The following RAP1B variants were observed in gnomAD, a reference collection of about 807,000 sequenced individuals.
RAP1B encodes RAP1B, member of RAS oncogene family.
A neutral mutation model predicts 27.5 loss-of-function variants in RAP1B; 1 was observed. The observed-to-expected ratio is 0.04, with a 90% confidence interval of 0.01 to 0.17. RAP1B has a LOEUF of 0.17. RAP1B is among the 10% of genes least tolerant of loss of function. RAP1B has a pLI of 1.00. For synonymous variants in RAP1B, 75 were observed against 73.1 expected (o/e 1.03, Z -0.13); for missense variants, 84 against 214.8 (o/e 0.39, Z 3.81).
chr12:68,652,661 A>T (rs1025380342), intron 4 of RAP1B, among the ~76,000 whole-genome samples: 15 of 151,726 alleles, frequency 9.9e-5, no homozygotes, highest in Non-Finnish European at 1.5e-4. Flanking sequence ...CTAAAAATAT[A>T]AAAAAAATTA....
At position 68,660,175 on chromosome 12, in the gene RAP1B, A is replaced by G. The variant is rs1187318351; in HGVS notation, c.*926A>G. 3 of 117,032 alleles carry G rather than the reference A, an allele frequency of 2.6e-5. No individual in the cohort carries two copies. Among genetic ancestry groups the G allele is most frequent in the Middle Eastern group, 3.8e-3 (1 of 266 alleles). 7.2% of individuals were successfully genotyped at this position (117,032 alleles called of 1,614,324 possible). A position where few individuals can be genotyped will look rare whatever the true frequency, so the allele number is the denominator to read the frequency against. ...TTTTGCCTGTTAGTGATTGTTTCAC[A>G]TGTGTAACGTTTTGGTTGAGATGTT... On this transcript the variant is annotated 3_prime_UTR_variant, in exon 8 of 8. Coordinates refer to ENST00000250559, the MANE Select transcript of RAP1B (RefSeq NM_001010942.3).
intron 7 of RAP1B, 158 bp downstream of exon 7, chr12:68,657,375 T>A: frequency 6.1e-6 from 3 of 494,890 alleles, no homozygotes; most frequent in Non-Finnish European, 1.1e-5. Context: ...TTATTAATTA[T>A]TTACTTATCA....
chr12:68,655,185 G>A (rs1874115684), intron 5 of RAP1B, among the ~76,000 whole-genome samples: 1 of 152,178 alleles, frequency 6.6e-6, no homozygotes. Flanking sequence ...CAGCATGGTG[G>A]CGCGTGCCTG....
At chr12:68,643,101 T>C (rs1873140061) in intron 1 of RAP1B, 2 of 607,016 alleles carry the variant, frequency 3.3e-6, no homozygotes, top group Non-Finnish European at 5.8e-6. Flanking sequence ...CTGTTGATTA[T>C]AGTTTTTGTT....
Position 68,669,309 on chromosome 12 carries a change from C to T in RAP1B, c.*10060C>T, listed in dbSNP as rs900336787. The T allele has an allele frequency of 6.6e-6, 1 of 152,120 alleles. No individual in the cohort carries two copies. Among genetic ancestry groups the T allele is most frequent in the African/African-American group, 2.4e-5 (1 of 41,422 alleles). 9.4% of individuals were successfully genotyped at this position (152,120 alleles called of 1,614,324 possible). A position where few individuals can be genotyped will look rare whatever the true frequency, so the allele number is the denominator to read the frequency against. Reference sequence around the variant, plus strand: ...ATAATATCATAAAAATATCAATTCCCCCAAATTAGCATGTTAATGTATAAT... The same window carrying T: ...ATAATATCATAAAAATATCAATTCCTCCAAATTAGCATGTTAATGTATAAT... On this transcript the variant is annotated 3_prime_UTR_variant, in exon 8 of 8. Transcript: ENST00000250559.
In RAP1B at chr12:68,636,519, G is replaced by A. The variant is rs887490917; in HGVS notation, c.-26-12180G>A. Among the ~76,000 whole-genome samples the A allele has an allele frequency of 4.6e-5, 7 of 152,162 alleles. No homozygotes were observed. The South Asian group carries it at 8.3e-4, about 18-fold the overall frequency. On this transcript the variant is annotated intron_variant, in intron 1 of 7. Coordinates refer to ENST00000250559, the MANE Select transcript of RAP1B (RefSeq NM_001010942.3). ...CATAGCTCACTGTAACCTCCAATTCGTGGGCTTAAGTGATCCTCCTACCTC... is the reference window on the plus strand; with the variant it reads ...CATAGCTCACTGTAACCTCCAATTCATGGGCTTAAGTGATCCTCCTACCTC...
Position 68,665,506 on chromosome 12 carries a change from A to G in RAP1B, c.*6257A>G, listed in dbSNP as rs1565678513. On this transcript the variant is annotated 3_prime_UTR_variant, in exon 8 of 8. Coordinates refer to ENST00000250559, the MANE Select transcript of RAP1B (RefSeq NM_001010942.3). ...GCCTAAACAGTCTTGGGATGGGGAG[A>G]AGGGTTGGAGTACAAAGGATTGCTA... 6.6e-6 allele frequency: 1 copy of G among 152,212 alleles called. No individual in the cohort carries two copies. The highest frequency in any genetic ancestry group is 2.1e-4 in the South Asian group (1 of 4,834). The allele number at this position is 152,212 out of a possible 1,614,324, so 9.4% of individuals were successfully genotyped here.
At position 68,670,390 on chromosome 12, in the gene RAP1B, A is replaced by C. The variant is rs1375574152; in HGVS notation, c.*11141A>C. On this transcript the variant is annotated 3_prime_UTR_variant, in exon 8 of 8. Transcript: ENST00000250559. The stretch of plus-strand genomic sequence containing the variant: ...TCAAGCTATAAAGTAAAACAGTAGA[A>C]GTCTTAGAAGAAAATCTAAGAGACT... 6.6e-6 allele frequency: 1 copy of C among 152,242 alleles called. No homozygotes were observed. Among genetic ancestry groups the C allele is most frequent in the Admixed American group, 6.5e-5 (1 of 15,290 alleles). 9.4% of individuals were successfully genotyped at this position (152,242 alleles called of 1,614,324 possible). A position where few individuals can be genotyped will look rare whatever the true frequency, so the allele number is the denominator to read the frequency against.
chr12:68,630,399 A>G (rs895646001), intron 1 of RAP1B, among the ~76,000 whole-genome samples: 1 of 152,162 alleles, frequency 6.6e-6, no homozygotes, highest in Non-Finnish European at 1.5e-5. Flanking sequence ...TGTTCCAACA[A>G]AATTTTATTT....
intron 1 of RAP1B, among the ~76,000 whole-genome samples, chr12:68,642,119 C>T (rs968492545): frequency 2.0e-5 from 3 of 152,116 alleles, no homozygotes; most frequent in Admixed American, 1.3e-4. Context: ...TTGGTTAATT[C>T]ATAGACTAAA....
chr12:68,668,704 C>T lies in RAP1B; in HGVS notation c.*9455C>T, dbSNP rs866128395. The T allele has an allele frequency of 1.3e-5, 2 of 152,032 alleles. No individual in the cohort carries two copies. Among genetic ancestry groups the T allele is most frequent in the African/African-American group, 2.4e-5 (1 of 41,376 alleles). The allele number at this position is 152,032 out of a possible 1,614,324, so 9.4% of individuals were successfully genotyped here. The stretch of plus-strand genomic sequence containing the variant: ...AAGTTTAAGAAAGCTGTCAGGTAGG[C>T]GCCTCAAATTCATTTAAAATGAGGA... On this transcript the variant is annotated 3_prime_UTR_variant, in exon 8 of 8. Transcript: ENST00000250559.
chr12:68,639,163 A>G (rs1299031158), intron 1 of RAP1B, among the ~76,000 whole-genome samples: 4 of 152,190 alleles, frequency 2.6e-5, no homozygotes, highest in Non-Finnish European at 4.4e-5. Context: ...TAGAATTCAA[A>G]TGACTTTACC....
At position 68,662,384 on chromosome 12, in the gene RAP1B, C is replaced by T. The variant is rs1347536013; in HGVS notation, c.*3135C>T. 1.3e-5 allele frequency: 2 copies of T among 152,006 alleles called. No individual in the cohort carries two copies. The highest frequency in any genetic ancestry group is 2.4e-5 in the African/African-American group (1 of 41,396). 9.4% of individuals were successfully genotyped at this position (152,006 alleles called of 1,614,324 possible). A position where few individuals can be genotyped will look rare whatever the true frequency, so the allele number is the denominator to read the frequency against. ...AAAAAGTGTAAAAACCCTGTATTGACTTTCTTGTTGATTCAGTTGTTTCTT... is the reference window on the plus strand; with the variant it reads ...AAAAAGTGTAAAAACCCTGTATTGATTTTCTTGTTGATTCAGTTGTTTCTT... On this transcript the variant is annotated 3_prime_UTR_variant, in exon 8 of 8. Transcript: ENST00000250559.
intron 7 of RAP1B, 46 bp downstream of exon 7, chr12:68,657,263 T>C (rs537274855): frequency 6.4e-4 from 774 of 1,200,668 alleles, no homozygotes; most frequent in Middle Eastern, 9.7e-4. Flanking sequence ...CTCAACCTTA[T>C]TAAGGGCACT....
At chr12:68,614,285 A>AT (rs1488832185) in intron 1 of RAP1B, among the ~76,000 whole-genome samples, 1 of 152,176 alleles carries the variant, frequency 6.6e-6, no homozygotes, top group African/African-American at 2.4e-5. Flanking sequence ...CTTTTTCCCC[A>AT]TAAGTATTGT....
intron 1 of RAP1B, among the ~76,000 whole-genome samples, chr12:68,636,591 C>G (rs754598692): frequency 1.3e-5 from 2 of 152,166 alleles, no homozygotes; most frequent in Admixed American, 6.5e-5. Flanking sequence ...CCACACCCAG[C>G]TACTTTATAA....
At chr12:68,626,911 T>C in intron 1 of RAP1B, 1 of 1,567,042 alleles carries the variant, frequency 6.4e-7, no homozygotes, top group Non-Finnish European at 8.7e-7. Flanking sequence ...GGGCCACGAT[T>C]GGAAATGTAC....
chr12:68,653,000 C>T (rs1873924566), intron 4 of RAP1B, among the ~76,000 whole-genome samples: 1 of 152,100 alleles, frequency 6.6e-6, no homozygotes, highest in South Asian at 2.1e-4. Flanking sequence ...CACCTGAGGT[C>T]AGGAGTTCAA....
intron 1 of RAP1B, among the ~76,000 whole-genome samples, chr12:68,639,965 T>G (rs1480375832): frequency 1.3e-5 from 2 of 151,768 alleles, no homozygotes; most frequent in African/African-American, 4.8e-5. Flanking sequence ...CTCAGCCTCC[T>G]GAGTAGCTGG....
Sources: gnomAD v4.1 joint callset for allele counts (sites outside exome capture counted in the v4.1 genomes callset) on GRCh38, gnomAD v4.1.1 for gene constraint, MANE v1.5 for transcripts, NCBI Gene and HGNC (gene_info 2026-07-23, HGNC 2026-07-21) for gene names.